BMP2: variants seen among roughly 807,000 people sequenced by gnomAD.
The protein encoded by BMP2 is bone morphogenetic protein 2.
A neutral mutation model predicts 28.8 loss-of-function variants in BMP2; 2 were observed. The observed-to-expected ratio is 0.07, with a 90% CI of 0.03 to 0.22. The LOEUF (loss-of-function observed/expected upper bound fraction) is 0.22. BMP2 is among the 10% of genes least tolerant of loss of function. BMP2 has a pLI of 1.00. For missense variants in BMP2, 437 were observed against 517.7 expected (o/e 0.84, Z 1.51); for synonymous variants, 218 against 204.3 (o/e 1.07, Z -0.57).
chr20:6,779,232 A>T lies in BMP2; in HGVS notation c.*143A>T, dbSNP rs1462846330. ...TTTATTTATGGAATGGAATGGAAAA[A>T]AAAACAGCTATTTTGAAAATATATT... is the stretch of plus-strand genomic sequence containing the variant. On this transcript the variant is annotated 3_prime_UTR_variant, in exon 3 of 3. Coordinates refer to ENST00000378827, the MANE Select transcript of BMP2 (RefSeq NM_001200.4). 2 of 284,906 alleles carry T rather than the reference A, an allele frequency of 7.0e-6. No individual in the cohort carries two copies. The highest frequency in any genetic ancestry group is 4.4e-5 in the African/African-American group (2 of 45,054). The allele number at this position is 284,906 out of a possible 1,614,324, so 17.6% of individuals were successfully genotyped here. A position where few individuals can be genotyped will look rare whatever the true frequency, so the allele number is the denominator to read the frequency against.
Position 6,770,424 on chromosome 20 carries a change from G to C in BMP2, c.298G>C (p.Glu100Gln). Residue 100 changes from glutamate (E) to glutamine (Q), a missense_variant, in exon 2 of 3, where the codon GAG (glutamate) becomes CAG (glutamine). This residue lies in a region of BMP2 where 363 missense variants were observed against 392.8 expected (regional missense o/e 0.92). Transcript: ENST00000378827. ...PGSPAPDHRL[E>Q]RAASRANTVR... is the part of the protein sequence containing the mutation. ...CTCACCCGCCCCAGACCACCGGTTG[G>C]AGAGGGCAGCCAGCCGAGCCAACAC... 1 of 1,610,730 alleles carries C rather than the reference G, an allele frequency of 6.2e-7. No individual in the cohort carries two copies. The highest frequency in any genetic ancestry group is 8.5e-7 in the Non-Finnish European group (1 of 1,178,406).
rs1392290429 is a variant in BMP2, at chr20:6,767,742, C to T, written c.-1141C>T. The T allele has an allele frequency of 4.8e-5, 9 of 186,614 alleles. No homozygotes were observed. The highest frequency in any genetic ancestry group is 4.4e-4 in the Admixed American group (7 of 16,072). The allele number at this position is 186,614 out of a possible 1,614,324, so 11.6% of individuals were successfully genotyped here. A position where few individuals can be genotyped will look rare whatever the true frequency, so the allele number is the denominator to read the frequency against. On this transcript the variant is annotated 5_prime_UTR_variant, in exon 1 of 3. Transcript: ENST00000378827. The stretch of plus-strand genomic sequence containing the variant: ...TCGCCCCGCCGCGCTGCGCCCGGCT[C>T]GCGCTGCGCTAGTCGCTCCGCTTCC...
rs1182679355 is a variant in BMP2, at chr20:6,778,670, T to C, written c.772T>C (p.Ser258Pro). Residue 258 changes from serine to proline, a missense_variant, in exon 3 of 3, where the codon TCA becomes CCA. By Grantham distance (74) the Ser-to-Pro change is moderately conservative. Coordinates refer to ENST00000378827, the MANE Select transcript of BMP2 (RefSeq NM_001200.4). The surrounding 1 kb of genome is among the most constrained non-coding windows in gnomAD (Gnocchi z 5.0). ...TTTGCACCAAGATGAACACAGCTGG[T>C]CACAGATAAGGCCATTGCTAGTAAC... Reference protein sequence around the residue: ...RSLHQDEHSWSQIRPLLVTFG... With the variant: ...RSLHQDEHSWPQIRPLLVTFG... 1 of 1,614,096 alleles carries C rather than the reference T, an allele frequency of 6.2e-7. No homozygotes were observed. Among genetic ancestry groups the C allele is most frequent in the African/African-American group, 1.3e-5 (1 of 75,022 alleles).
At chr20:6,777,146 G>A (rs1431130897) in intron 2 of BMP2, among the ~76,000 whole-genome samples, 1 of 152,116 alleles carries the variant, frequency 6.6e-6, no homozygotes, top group Non-Finnish European at 1.5e-5. Context: ...CATTCAAGGT[G>A]CTGTGTTATA....
Position 6,770,226 on chromosome 20 carries a change from G to C in BMP2, c.100G>C (p.Ala34Pro), listed in dbSNP as rs936595058. Residue 34 changes from alanine (A) to proline (P), a missense_variant, in exon 2 of 3, where the codon GCG becomes CCG. By Grantham distance (27) the Ala-to-Pro change is conservative (BLOSUM62 -1). Coordinates refer to ENST00000378827, the MANE Select transcript of BMP2 (RefSeq NM_001200.4). ...TCCGGAGCTGGGCCGCAGGAAGTTC[G>C]CGGCGGCGTCGTCGGGCCGCCCCTC... The part of the protein sequence containing the change: ...LVPELGRRKF[A>P]AASSGRPSSQ... 3.7e-6 allele frequency: 6 copies of C among 1,600,780 alleles called. No homozygotes were observed. The Admixed American group carries it at 6.8e-5, about 18-fold the overall frequency.
At chr20:6,777,089 C>T (rs1986515576) in intron 2 of BMP2, among the ~76,000 whole-genome samples, 1 of 152,058 alleles carries the variant, frequency 6.6e-6, no homozygotes, top group Non-Finnish European at 1.5e-5. Context: ...GTATATACTA[C>T]CAGTTTAATA....
Position 6,778,637 on chromosome 20 carries a change from A to T in BMP2, c.739A>T (p.Ser247Cys). The change falls in exon 3 of 3, where the codon AGC (serine) becomes TGC (cysteine). Residue 247 changes from serine (S) to cysteine (C), a missense_variant. Physicochemically the swap from Ser to Cys is moderately radical, Grantham distance 112 (BLOSUM62 -1). Coordinates refer to ENST00000378827, the MANE Select transcript of BMP2 (RefSeq NM_001200.4). This position sits in a 1 kb window ranked among gnomAD's most constrained non-coding sequence, Gnocchi z 5.0. ...QGVSKRHVRI[S>C]RSLHQDEHSW... ...TGTCTCCAAGAGACATGTTAGGATA[A>T]GCAGGTCTTTGCACCAAGATGAACA... 1 of 1,614,082 alleles carries T rather than the reference A, an allele frequency of 6.2e-7. No homozygotes were observed. Among genetic ancestry groups the T allele is most frequent in the Non-Finnish European group, 8.5e-7 (1 of 1,179,982 alleles).
chr20:6,767,888 C>T lies in BMP2; in HGVS notation c.-995C>T. 1 of 366,702 alleles carries T rather than the reference C, an allele frequency of 2.7e-6. No homozygotes were observed. Among genetic ancestry groups the T allele is most frequent in the Non-Finnish European group, 4.9e-6 (1 of 205,974 alleles). 22.7% of individuals were successfully genotyped at this position (366,702 alleles called of 1,614,324 possible). Reference sequence around the variant, plus strand: ...CACCGGGGACCGCGAGGCACCCGCGCGCCGCAGACCCCGCGCGGGCTGGAG... The same window carrying T: ...CACCGGGGACCGCGAGGCACCCGCGTGCCGCAGACCCCGCGCGGGCTGGAG... On this transcript the variant is annotated 5_prime_UTR_variant, in exon 1 of 3. Coordinates refer to ENST00000378827, the MANE Select transcript of BMP2 (RefSeq NM_001200.4).
chr20:6,776,722 G>T (rs1986507686), intron 2 of BMP2, among the ~76,000 whole-genome samples: 1 of 152,164 alleles, frequency 6.6e-6, no homozygotes, highest in African/African-American at 2.4e-5. Flanking sequence ...CGTTAGTTTG[G>T]TATAAACTGC....
At chr20:6,773,022 C>G (rs532472578) in intron 2 of BMP2, among the ~76,000 whole-genome samples, 10 of 152,294 alleles carry the variant, frequency 6.6e-5, no homozygotes, top group African/African-American at 2.4e-4. Context: ...GTTGACTTCA[C>G]TGGCCCTCCA....
chr20:6,774,681 T>C (rs1986464523), intron 2 of BMP2, among the ~76,000 whole-genome samples: 1 of 152,234 alleles, frequency 6.6e-6, no homozygotes. Context: ...AAAATGGAGA[T>C]AATGATAGTT....
intron 2 of BMP2, among the ~76,000 whole-genome samples, chr20:6,773,537 C>A (rs537057816): frequency 2.0e-5 from 3 of 152,112 alleles, no homozygotes; most frequent in African/African-American, 7.2e-5. Context: ...AACTATTTTG[C>A]GTTCTTAGAC....
intron 2 of BMP2, among the ~76,000 whole-genome samples, chr20:6,776,703 G>T (rs1986507039): frequency 6.6e-6 from 1 of 152,202 alleles, no homozygotes; most frequent in African/African-American, 2.4e-5. Flanking sequence ...GAAAAGCACT[G>T]CATTAAAGCG....
In BMP2 at chr20:6,778,534, T is replaced by G; in HGVS notation, c.636T>G (p.Ala212=). ...GGGAAAGTTTTGATGTCACCCCCGC[T>G]GTGATGCGGTGGACTGCACAGGGAC... ...SRWESFDVTP[A]VMRWTAQGHA... Residue 212 remains alanine, a synonymous_variant, in exon 3 of 3, where the codon GCT becomes GCG. Transcript: ENST00000378827. This position sits in a 1 kb window ranked among gnomAD's most constrained non-coding sequence, Gnocchi z 5.0. The G allele has an allele frequency of 6.2e-7, 1 of 1,614,180 alleles. No homozygotes were observed. Among genetic ancestry groups the G allele is most frequent in the African/African-American group, 1.3e-5 (1 of 75,034 alleles).
At position 6,768,572 on chromosome 20, in the gene BMP2, A is replaced by T. The variant is rs958760192; in HGVS notation, c.-311A>T. 5 of 394,122 alleles carry T rather than the reference A, an allele frequency of 1.3e-5. No individual in the cohort carries two copies. The highest frequency in any genetic ancestry group is 1.0e-4 in the African/African-American group (5 of 48,418). 24.4% of individuals were successfully genotyped at this position (394,122 alleles called of 1,614,324 possible). A position where few individuals can be genotyped will look rare whatever the true frequency, so the allele number is the denominator to read the frequency against. ...TCAGCACTTGGCTGGGGACTTCTTG[A>T]ACTTGCAGGGAGAATAACTTGCGCA... On this transcript the variant is annotated 5_prime_UTR_variant, in exon 1 of 3. Transcript: ENST00000378827.
chr20:6,779,877 T>A lies in BMP2; in HGVS notation c.*788T>A, dbSNP rs1320145159. The A allele has an allele frequency of 6.6e-6, 1 of 152,306 alleles. No individual in the cohort carries two copies. The highest frequency in any genetic ancestry group is 1.5e-5 in the Non-Finnish European group (1 of 68,032). 9.4% of individuals were successfully genotyped at this position (152,306 alleles called of 1,614,324 possible). A position where few individuals can be genotyped will look rare whatever the true frequency, so the allele number is the denominator to read the frequency against. On this transcript the variant is annotated 3_prime_UTR_variant, in exon 3 of 3. Coordinates refer to ENST00000378827, the MANE Select transcript of BMP2 (RefSeq NM_001200.4). ...TGCAGGAAAGTGAATGATGGTTTGT[T>A]GTTCTTCTTTCCTAAATTAGTGATC...
In BMP2 at chr20:6,770,418, C is replaced by T. The variant is rs756645581; in HGVS notation, c.292C>T (p.Arg98Trp). The T allele has an allele frequency of 1.9e-6, 3 of 1,610,626 alleles. No individual in the cohort carries two copies. In the East Asian group the frequency reaches 6.7e-5, roughly 36 times the overall value. The change falls in exon 2 of 3, where the codon CGG (arginine) becomes TGG (tryptophan). Residue 98 changes from arginine to tryptophan, a missense_variant. Arg to Trp is a moderately radical substitution (Grantham distance 101). This residue lies in a region of BMP2 where 363 missense variants were observed against 392.8 expected (regional missense o/e 0.92). Transcript: ENST00000378827. ...GCCGGGCTCACCCGCCCCAGACCAC[C>T]GGTTGGAGAGGGCAGCCAGCCGAGC... ...GQPGSPAPDH[R>W]LERAASRANT...
intron 2 of BMP2, among the ~76,000 whole-genome samples, chr20:6,777,693 G>A (rs1177962594): frequency 3.9e-5 from 6 of 152,152 alleles, no homozygotes; most frequent in South Asian, 2.1e-4. Context: ...AAATGTCATC[G>A]TTGATGTTGA....
In BMP2 at chr20:6,778,973, G is replaced by T; in HGVS notation, c.1075G>T (p.Ala359Ser). Residue 359 changes from alanine to serine, a missense_variant, in exon 3 of 3, where the codon GCA (alanine) becomes TCA (serine). This residue lies in a region of BMP2 where 74 missense variants were observed against 124.9 expected (regional missense o/e 0.59). Transcript: ENST00000378827. The surrounding 1 kb of genome is among the most constrained non-coding windows in gnomAD (Gnocchi z 5.0). The stretch of plus-strand genomic sequence containing the variant: ...CTCTGTTAACTCTAAGATTCCTAAG[G>T]CATGCTGTGTCCCGACAGAACTCAG... Reference protein sequence around the residue: ...VNSVNSKIPKACCVPTELSAI... With the variant: ...VNSVNSKIPKSCCVPTELSAI... The T allele has an allele frequency of 6.2e-7, 1 of 1,613,856 alleles. No homozygotes were observed. Among genetic ancestry groups the T allele is most frequent in the Non-Finnish European group, 8.5e-7 (1 of 1,179,972 alleles).
Sources: gnomAD v4.1 joint callset for allele counts (sites outside exome capture counted in the v4.1 genomes callset) on GRCh38, gnomAD v4.1.1 for gene constraint, gnomAD v4.1.1 regional missense constraint, Gnocchi (gnomAD v3.1) non-coding constraint, MANE v1.5 for transcripts, NCBI Gene and HGNC (gene_info 2026-07-23, HGNC 2026-07-21) for gene names.